The following RGL1 variants were observed in gnomAD, a reference collection of about 807,000 sequenced individuals.
RGL1 encodes ral guanine nucleotide dissociation stimulator-like 1.
RGL1 carries 24 observed loss-of-function variants against 95.2 expected under a neutral mutation model. The ratio of observed to expected loss-of-function variants is 0.25; its 90% CI spans 0.18 to 0.35. RGL1 has a LOEUF of 0.35. RGL1 is among the 10% of genes least tolerant of loss of function. The probability of loss-of-function intolerance (pLI) is 1.00; values close to 1 mark genes in which losing one functional copy is unlikely to be tolerated. For synonymous variants in RGL1, 329 were observed against 344.9 expected (o/e 0.95, Z 0.51); for missense variants, 715 against 936.3 (o/e 0.76, Z 3.08).
intron 1 of RGL1, chr1:183,648,277 A>G (rs1469996060): frequency 1.9e-6 from 3 of 1,614,200 alleles, no homozygotes; most frequent in South Asian, 1.1e-5. Context: ...TCGCGGTTCC[A>G]TGCTGAGGCA....
intron 2 of RGL1, among the ~76,000 whole-genome samples, chr1:183,795,767 T>A (rs1187709350): frequency 1.3e-5 from 2 of 152,204 alleles, no homozygotes; most frequent in East Asian, 1.9e-4. Context: ...TAAATTAAAG[T>A]GGGCAGGAAA....
chr1:183,851,905 T>C (rs1349227537), intron 3 of RGL1, among the ~76,000 whole-genome samples: 3 of 152,232 alleles, frequency 2.0e-5, no homozygotes, highest in African/African-American at 7.2e-5. Context: ...AATTATGTTG[T>C]ATAAACTTGC....
intron 2 of RGL1, among the ~76,000 whole-genome samples, chr1:183,842,008 G>A (rs1344953428): frequency 6.6e-6 from 1 of 152,154 alleles, no homozygotes. Flanking sequence ...TGAGATAAAA[G>A]ATCCTCAGCC....
intron 2 of RGL1, among the ~76,000 whole-genome samples, chr1:183,835,776 A>C (rs1663605201): frequency 6.6e-6 from 1 of 152,202 alleles, no homozygotes; most frequent in Admixed American, 6.5e-5. Context: ...GTATTTGTAG[A>C]GTGCTGAATA....
At chr1:183,891,865 TC>T (rs1486239517) in intron 8 of RGL1, among the ~76,000 whole-genome samples, 11 of 150,684 alleles carry the variant, frequency 7.3e-5, no homozygotes, top group African/African-American at 2.4e-4. Context: ...AATATACCTC[TC>T]TCCACAGGGG....
intron 1 of RGL1, among the ~76,000 whole-genome samples, chr1:183,738,587 A>G (rs1657091149): frequency 6.6e-6 from 1 of 152,314 alleles, no homozygotes; most frequent in South Asian, 2.1e-4. Flanking sequence ...TAGGAAACCT[A>G]TAATGCATGA....
chr1:183,656,913 T>C (rs1445508641), intron 1 of RGL1, among the ~76,000 whole-genome samples: 1 of 151,822 alleles, frequency 6.6e-6, no homozygotes, highest in African/African-American at 2.4e-5. Context: ...CTAATTATTA[T>C]GCTCTAGCCA....
intron 2 of RGL1, among the ~76,000 whole-genome samples, chr1:183,744,442 A>G (rs1263728157): frequency 6.9e-6 from 1 of 143,888 alleles, no homozygotes; most frequent in South Asian, 2.2e-4. Context: ...GGAAGCACTC[A>G]CTCTTAGGTT....
intron 14 of RGL1, among the ~76,000 whole-genome samples, chr1:183,909,928 C>T (rs146256855): frequency 5.9e-5 from 9 of 152,186 alleles, no homozygotes; most frequent in South Asian, 2.1e-4. Context: ...TTATATTAGA[C>T]GGGTATAGAA....
chr1:183,814,036 A>T (rs1242646403), intron 2 of RGL1, among the ~76,000 whole-genome samples: 1 of 152,074 alleles, frequency 6.6e-6, no homozygotes, highest in African/African-American at 2.4e-5. Context: ...ATTTCCCTTA[A>T]TTGTGTCATT....
intron 7 of RGL1, among the ~76,000 whole-genome samples, chr1:183,885,806 G>C (rs910681710): frequency 5.3e-5 from 8 of 152,152 alleles, no homozygotes; most frequent in Admixed American, 4.6e-4. Flanking sequence ...GAGGAGTAGG[G>C]CCATGGGAGA....
Position 183,927,741 on chromosome 1 carries a change from T to G in RGL1, c.*1449T>G, listed in dbSNP as rs1669694464. The G allele has an allele frequency of 6.6e-6, 1 of 152,636 alleles. No individual in the cohort carries two copies. Among genetic ancestry groups the G allele is most frequent in the African/African-American group, 2.4e-5 (1 of 41,448 alleles). The allele number at this position is 152,636 out of a possible 1,614,324, so 9.5% of individuals were successfully genotyped here. ...TGTTGTCCTTTTTAAGAAATGATTC[T>G]CAAAATACCAGTTTTTATTCCAAAA... On this transcript the variant is annotated 3_prime_UTR_variant, in exon 18 of 18. Coordinates refer to ENST00000360851, the MANE Select transcript of RGL1 (RefSeq NM_001297671.3).
chr1:183,699,252 C>T lies in RGL1; in HGVS notation c.-32-42874C>T, dbSNP rs576056443. On this transcript the variant is annotated intron_variant, in intron 1 of 18. Coordinates refer to the RGL1 transcript ENST00000304685. ...TTACCCTGAACAATGTTTTTAAATT[C>T]ATTTTTACCATTTAAATACTACTGG... Among the ~76,000 whole-genome samples, 63 of 152,308 alleles carry T rather than the reference C, an allele frequency of 4.1e-4. 1 individual carries two copies. The highest frequency in any genetic ancestry group is 6.5e-4 in the Non-Finnish European group (44 of 68,018).
At chr1:183,662,907 G>T (rs12046360) in intron 1 of RGL1, among the ~76,000 whole-genome samples, 11,669 of 151,588 alleles carry the variant, frequency 0.077, 688 homozygotes, top group African/African-American at 0.16. Context: ...AAATAACGCC[G>T]CATATCTACA....
At chr1:183,657,308 A>C (rs1430267738) in intron 1 of RGL1, among the ~76,000 whole-genome samples, 1 of 152,152 alleles carries the variant, frequency 6.6e-6, no homozygotes, top group Admixed American at 6.5e-5. Context: ...TTATTATTAT[A>C]CTTTAAGTTT....
chr1:183,686,793 G>A (rs145178864), intron 1 of RGL1, among the ~76,000 whole-genome samples: 7 of 152,058 alleles, frequency 4.6e-5, no homozygotes, highest in African/African-American at 1.7e-4. Context: ...CTTCCCCCCT[G>A]AGCATCAGAC....
Position 183,648,526 on chromosome 1 carries a change from T to C in RGL1, c.-33+12025T>C, listed in dbSNP as rs1223755121. ...GGATGGATATAATTCCCAGTGCAAC[T>C]GCTAGCATGGCCCTTTTGCACCAGG... On this transcript the variant is annotated intron_variant, in intron 1 of 18. Transcript: ENST00000304685. The C allele has an allele frequency of 1.9e-6, 3 of 1,614,100 alleles. No homozygotes were observed. Among genetic ancestry groups the C allele is most frequent in the Non-Finnish European group, 1.7e-6 (2 of 1,180,050 alleles).
At chr1:183,887,821 G>T (rs1667206113) in intron 7 of RGL1, among the ~76,000 whole-genome samples, 1 of 152,170 alleles carries the variant, frequency 6.6e-6, no homozygotes, top group African/African-American at 2.4e-5. Context: ...TTAAAACATT[G>T]CCAAAATGAA....
At chr1:183,924,502 A>G (rs927385098) in intron 17 of RGL1, among the ~76,000 whole-genome samples, 1 of 152,188 alleles carries the variant, frequency 6.6e-6, no homozygotes, top group African/African-American at 2.4e-5. Context: ...GAAGGATAGC[A>G]TTAGGAGAAA....
Sources: allele counts gnomAD v4.1 joint callset (sites outside exome capture counted in the v4.1 genomes callset), GRCh38; gene constraint gnomAD v4.1.1; transcripts MANE v1.5; gene names NCBI Gene and HGNC (gene_info 2026-07-23, HGNC 2026-07-21).